ATG13: variants seen among roughly 807,000 people sequenced by gnomAD.
ATG13 encodes the protein autophagy-related protein 13.
ATG13 carries 23 observed loss-of-function variants against 65.5 expected under a neutral mutation model. The ratio of observed to expected loss-of-function variants is 0.35; its 90% CI spans 0.25 to 0.50. The LOEUF (loss-of-function observed/expected upper bound fraction) is 0.50, where lower values mean the gene tolerates loss of function less well. ATG13 is among the 20% of genes least tolerant of loss of function. The probability of loss-of-function intolerance (pLI) is 0.98; values close to 1 mark genes in which losing one functional copy is unlikely to be tolerated. For synonymous variants in ATG13, 252 were observed against 245.2 expected (o/e 1.03, Z -0.26); for missense variants, 566 against 677.0 (o/e 0.84, Z 1.82).
chr11:46,617,763 C>T lies in ATG13; in HGVS notation c.-197C>T, dbSNP rs1428372379. The T allele has an allele frequency of 1.8e-5, 7 of 398,870 alleles. No individual in the cohort carries two copies. Among genetic ancestry groups the T allele is most frequent in the Non-Finnish European group, 3.1e-5 (7 of 226,070 alleles). 24.7% of individuals were successfully genotyped at this position (398,870 alleles called of 1,614,324 possible). ...CCCTTCTGAAGCCTTAGGTGTCTATCGGCGACGTGTACGGTCACTGCAGCT... is the reference window on the plus strand; with the variant it reads ...CCCTTCTGAAGCCTTAGGTGTCTATTGGCGACGTGTACGGTCACTGCAGCT... On this transcript the variant is annotated 5_prime_UTR_variant, in exon 1 of 19. Transcript: ENST00000683050.
At chr11:46,668,079 C>T (rs1254332997) in intron 15 of ATG13, among the ~76,000 whole-genome samples, 192 bp downstream of exon 15, 2 of 152,206 alleles carry the variant, frequency 1.3e-5, no homozygotes, top group Non-Finnish European at 2.9e-5. Flanking sequence ...AAGTTAAGAA[C>T]TATTGTCCTG....
At position 46,659,473 on chromosome 11, in the gene ATG13, C is replaced by G. The variant is rs1490201903; in HGVS notation, c.777C>G (p.Ser259=). The change falls in exon 11 of 19, where the codon TCC becomes TCG. Residue 259 remains serine, a synonymous_variant. Coordinates refer to ENST00000683050, the MANE Select transcript of ATG13 (RefSeq NM_001346311.2). The part of the protein sequence containing the change: ...QEVCTTSFST[S]PPSQCVFTVT... ...TGTGTACCACCTCTTTTTCCACCTCCCCACCATCCCAGGTAGGGGGAAGCA... is the reference window on the plus strand; with the variant it reads ...TGTGTACCACCTCTTTTTCCACCTCGCCACCATCCCAGGTAGGGGGAAGCA... 1 of 1,613,198 alleles carries G rather than the reference C, an allele frequency of 6.2e-7. No individual in the cohort carries two copies. Among genetic ancestry groups the G allele is most frequent in the East Asian group, 2.2e-5 (1 of 44,902 alleles).
intron 2 of ATG13, among the ~76,000 whole-genome samples, chr11:46,634,344 G>A (rs937468405): frequency 2.0e-5 from 3 of 151,318 alleles, no homozygotes; most frequent in Non-Finnish European, 2.9e-5. Context: ...GTGATCCACC[G>A]GCCTCGGCCT....
chr11:46,626,160 T>A (rs1482168839), intron 1 of ATG13, among the ~76,000 whole-genome samples: 1 of 152,098 alleles, frequency 6.6e-6, no homozygotes, highest in Non-Finnish European at 1.5e-5. Flanking sequence ...TTTCACCATG[T>A]TAGCCAGGAT....
At chr11:46,659,990 T>A (rs1380210024) in intron 11 of ATG13, 1 of 153,408 alleles carries the variant, frequency 6.5e-6, no homozygotes, top group Non-Finnish European at 1.5e-5. Flanking sequence ...TCCACTTCAG[T>A]CTTCAGTGGC....
rs1221514985 is a variant in ATG13 at position 46,622,125 on chromosome 11, A to ATTTT, written c.-70+4236_-70+4237insTTTT. Reference sequence around the variant, plus strand: ...TATATATATATATATATATATATATATATTTATTTTAGAGATGGTATTTGC... The same window carrying ATTTT: ...TATATATATATATATATATATATATATTTTTATTTATTTTAGAGATGGTATTTGC... On this transcript the variant is annotated intron_variant, in intron 1 of 18. Transcript: ENST00000683050. Among the ~76,000 whole-genome samples, 121 of 79,044 alleles carry ATTTT rather than the reference A, an allele frequency of 1.5e-3. 2 individuals are homozygous for ATTTT. Among genetic ancestry groups the ATTTT allele is most frequent in the African/African-American group, 6.4e-3 (119 of 18,462 alleles). 51.9% of individuals were successfully genotyped at this position (79,044 alleles called of 152,430 possible). A position where few individuals can be genotyped will look rare whatever the true frequency, so the allele number is the denominator to read the frequency against.
intron 11 of ATG13, among the ~76,000 whole-genome samples, chr11:46,661,298 A>G (rs1286050768): frequency 6.6e-6 from 1 of 151,922 alleles, no homozygotes; most frequent in East Asian, 1.9e-4. Context: ...CAGGCAAATC[A>G]TGAGGTCAGG....
chr11:46,632,200 C>T (rs867149448), intron 2 of ATG13: 2 of 151,852 alleles, frequency 1.3e-5, no homozygotes, highest in Non-Finnish European at 2.9e-5. Flanking sequence ...TTTTTTTTTA[C>T]CTGATTAAGG....
intron 7 of ATG13, among the ~76,000 whole-genome samples, chr11:46,654,615 A>G (rs1190882141): frequency 6.6e-6 from 1 of 151,240 alleles, no homozygotes; most frequent in East Asian, 2.0e-4. Context: ...CCAGCTGCTT[A>G]GGAGACTGAG....
intron 14 of ATG13, among the ~76,000 whole-genome samples, chr11:46,666,214 C>A (rs2062327118): frequency 1.3e-5 from 2 of 152,204 alleles, no homozygotes; most frequent in African/African-American, 4.8e-5. Flanking sequence ...CGTGGAACTT[C>A]AGTACCAACG....
intron 14 of ATG13, among the ~76,000 whole-genome samples, chr11:46,666,143 T>TAG (rs2062311845): frequency 6.6e-6 from 1 of 152,168 alleles, no homozygotes; most frequent in Non-Finnish European, 1.5e-5. Context: ...AGAAAAAGTG[T>TAG]AGACTCCTTG....
intron 1 of ATG13, among the ~76,000 whole-genome samples, chr11:46,628,110 A>T (rs1377360827): frequency 6.6e-6 from 1 of 151,664 alleles, no homozygotes; most frequent in Non-Finnish European, 1.5e-5. Context: ...AAGGCAGGAA[A>T]AAAAGCATTT....
chr11:46,672,251 A>T lies in ATG13; in HGVS notation c.1576-4A>T. The T allele has an allele frequency of 6.2e-7, 1 of 1,614,172 alleles. No homozygotes were observed. On this transcript the variant is annotated splice_region_variant and splice_polypyrimidine_tract_variant and intron_variant, in intron 18 of 18. Coordinates refer to ENST00000683050, the MANE Select transcript of ATG13 (RefSeq NM_001346311.2). ...AACGGCTCTTCCCTCTCTTTCCGGT[A>T]CAGGACTCATTACCAGAGAAGCTGG...
chr11:46,625,679 G>A (rs1469939494), intron 1 of ATG13, among the ~76,000 whole-genome samples: 1 of 152,136 alleles, frequency 6.6e-6, no homozygotes, highest in Admixed American at 6.5e-5. Context: ...CCGCTGAGGG[G>A]ATTACTAGGG....
Position 46,659,450 on chromosome 11 carries a change from T to A in ATG13, c.754T>A (p.Cys252Ser). 1 of 1,614,104 alleles carries A rather than the reference T, an allele frequency of 6.2e-7. No homozygotes were observed. The highest frequency in any genetic ancestry group is 8.5e-7 in the Non-Finnish European group (1 of 1,179,952). The change falls in exon 11 of 19, where the codon TGT (cysteine) becomes AGT (serine). Residue 252 changes from cysteine (C) to serine (S), a missense_variant. By Grantham distance (112) the Cys-to-Ser change is moderately radical. Transcript: ENST00000683050. ...GTCTGTAGAAGACTCTCAAGAAGTGTGTACCACCTCTTTTTCCACCTCCCC... is the reference window on the plus strand; with the variant it reads ...GTCTGTAGAAGACTCTCAAGAAGTGAGTACCACCTCTTTTTCCACCTCCCC... The part of the protein sequence containing the change: ...YPSVEDSQEV[C>S]TTSFSTSPPS...
In ATG13 at chr11:46,649,161, T is replaced by C; in HGVS notation, c.295T>C (p.Trp99Arg). 1 of 1,613,284 alleles carries C rather than the reference T, an allele frequency of 6.2e-7. No homozygotes were observed. The highest frequency in any genetic ancestry group is 8.5e-7 in the Non-Finnish European group (1 of 1,179,560). ...SEGDSMELEIWCLEMNEKCDK... is the reference protein window; with the variant it reads ...SEGDSMELEIRCLEMNEKCDK... ...GGGAGATTCCATGGAGCTGGAAATA[T>C]GGTGTCTTGAAATGAATGAAAAGTA... The change falls in exon 6 of 19, where the codon TGG becomes CGG. Residue 99 changes from tryptophan (W) to arginine (R), a missense_variant. By Grantham distance (101) the Trp-to-Arg change is moderately radical (BLOSUM62 -3). Transcript: ENST00000683050.
chr11:46,674,350 AGACT>A lies in ATG13; in HGVS notation c.*2023_*2026del, dbSNP rs1277336681. On this transcript the variant is annotated 3_prime_UTR_variant, in exon 19 of 19. Transcript: ENST00000683050. ...ACCTGCCATGAAAGGAATGAGCCCT[AGACT>A]GACTCCTGCAGCACCCCCGGGACAG... 6.6e-6 allele frequency: 1 copy of A among 152,298 alleles called. No homozygotes were observed. Among genetic ancestry groups the A allele is most frequent in the Non-Finnish European group, 1.5e-5 (1 of 68,112 alleles). The allele number at this position is 152,298 out of a possible 1,614,324, so 9.4% of individuals were successfully genotyped here.
At position 46,672,357 on chromosome 11, in the gene ATG13, C is replaced by G. The variant is rs781183238; in HGVS notation, c.*25C>G. ...AAAGTATCCTTGAGTCCCAGCAGCACCCCCTTTTTGTGGCCCCAGGGCATA... is the reference window on the plus strand; with the variant it reads ...AAAGTATCCTTGAGTCCCAGCAGCAGCCCCTTTTTGTGGCCCCAGGGCATA... On this transcript the variant is annotated 3_prime_UTR_variant, in exon 19 of 19. Coordinates refer to ENST00000683050, the MANE Select transcript of ATG13 (RefSeq NM_001346311.2). 3.1e-6 allele frequency: 5 copies of G among 1,613,944 alleles called. No homozygotes were observed.
At chr11:46,644,632 T>C (rs1013400295) in intron 3 of ATG13, among the ~76,000 whole-genome samples, 11 of 152,170 alleles carry the variant, frequency 7.2e-5, no homozygotes, top group African/African-American at 2.4e-4. Flanking sequence ...CAAACTGTTA[T>C]GCCAGGTTAT....
Sources: allele counts gnomAD v4.1 joint callset (sites outside exome capture counted in the v4.1 genomes callset), GRCh38; gene constraint gnomAD v4.1.1; transcripts MANE v1.5; gene names NCBI Gene and HGNC (gene_info 2026-07-23, HGNC 2026-07-21).